The following LIMA1 variants were observed in gnomAD, a reference collection of about 807,000 sequenced individuals.
LIMA1 encodes the protein LIM domain and actin-binding protein 1.
Under a neutral mutation model 62.6 loss-of-function variants are expected in LIMA1, and 52 were observed. The ratio of observed to expected loss-of-function variants is 0.83; its 90% CI spans 0.67 to 1.05. The LOEUF is 1.05. Among genes scored for constraint, LIMA1 ranks in the 50% least tolerant of loss-of-function variants. The pLI, the probability that LIMA1 is intolerant of heterozygous loss-of-function variation, is 0.00. For missense variants in LIMA1, 780 were observed against 902.2 expected, an observed-to-expected ratio of 0.86 and a Z score of 1.74; for synonymous variants, 302 against 317.8, an observed-to-expected ratio of 0.95 and a Z score of 0.53.
intron 1 of LIMA1, among the ~76,000 whole-genome samples, chr12:50,254,921 G>A (rs765995348): frequency 5.3e-5 from 8 of 151,868 alleles, no homozygotes; most frequent in Non-Finnish European, 8.8e-5. Context: ...TTAGCCAGGC[G>A]TGGTGGTGCA....
At chr12:50,233,869 A>T (rs1449789467) in intron 2 of LIMA1, among the ~76,000 whole-genome samples, 3 of 152,178 alleles carry the variant, frequency 2.0e-5, no homozygotes, top group African/African-American at 4.8e-5. Flanking sequence ...CTTTTAAAAG[A>T]TCATACTATG....
chr12:50,245,562 A>G (rs1312124572), intron 2 of LIMA1, among the ~76,000 whole-genome samples: 1 of 151,676 alleles, frequency 6.6e-6, no homozygotes, highest in African/African-American at 2.4e-5. Context: ...CATGTGTTAG[A>G]ATCTTGTTGG....
chr12:50,223,875 T>G (rs1380311510), intron 3 of LIMA1, among the ~76,000 whole-genome samples: 1 of 151,736 alleles, frequency 6.6e-6, no homozygotes, highest in African/African-American at 2.4e-5. Context: ...ACGTCTCTAC[T>G]AAAAATACAA....
At chr12:50,258,617 T>C (rs566624274) in intron 1 of LIMA1, among the ~76,000 whole-genome samples, 36 of 150,016 alleles carry the variant, frequency 2.4e-4, no homozygotes, top group African/African-American at 8.4e-4. Flanking sequence ...CATTTCTTTA[T>C]TTAGCTCTAT....
intron 7 of LIMA1, 143 bp from the exon 8 acceptor site, chr12:50,196,030 A>G: frequency 1.3e-6 from 1 of 743,716 alleles, no homozygotes; most frequent in South Asian, 2.1e-5. Flanking sequence ...GGGCACCAGA[A>G]CAGCTGAGCA....
chr12:50,260,965 C>T (rs1481427228), intron 1 of LIMA1, among the ~76,000 whole-genome samples: 1 of 134,840 alleles, frequency 7.4e-6, no homozygotes, highest in Non-Finnish European at 1.6e-5. Context: ...CATTTATTTA[C>T]TTATTTACTT....
intron 6 of LIMA1, 92 bp from the exon 7 acceptor site, chr12:50,200,976 A>G: frequency 6.6e-7 from 1 of 1,523,446 alleles, no homozygotes; most frequent in South Asian, 1.3e-5. Context: ...TGGAATGTTA[A>G]AAAATTCTTC....
At chr12:50,180,421 G>A (rs978461492) in intron 10 of LIMA1, among the ~76,000 whole-genome samples, 5 of 152,150 alleles carry the variant, frequency 3.3e-5, no homozygotes, top group Non-Finnish European at 7.4e-5. Flanking sequence ...GTTGCAGTGA[G>A]CCAGGATCAC....
chr12:50,194,698 T>C (rs988960088), intron 8 of LIMA1, among the ~76,000 whole-genome samples: 16 of 152,244 alleles, frequency 1.1e-4, no homozygotes, highest in African/African-American at 3.8e-4. Flanking sequence ...GACCAGGAGT[T>C]GGAGACCAAC....
intron 9 of LIMA1, among the ~76,000 whole-genome samples, chr12:50,192,224 A>G (rs960252043): frequency 1.3e-5 from 2 of 152,138 alleles, no homozygotes; most frequent in Non-Finnish European, 2.9e-5. Flanking sequence ...AGTTTTCCAG[A>G]GTTCAAACTG....
At position 50,231,693 on chromosome 12, in the gene LIMA1, T is replaced by C; in HGVS notation, c.137A>G (p.Glu46Gly). ...TCTCTTCTTCTCCATGTTTGTTTCT[T>C]CAGCTGCTTTCTGGTACCTTCAGAG... ...EIFSKYQKAAEETNMEKKRSN... is the reference protein window; with the variant it reads ...EIFSKYQKAAGETNMEKKRSN... Residue 46 changes from glutamate to glycine, a missense_variant, in exon 3 of 11, where the codon GAA becomes GGA. Physicochemically the swap from Glu to Gly is moderately conservative, Grantham distance 98. Transcript: ENST00000341247. 1 of 1,613,946 alleles carries C rather than the reference T, an allele frequency of 6.2e-7. No individual in the cohort carries two copies. Among genetic ancestry groups the C allele is most frequent in the African/African-American group, 1.3e-5 (1 of 75,076 alleles).
intron 10 of LIMA1, among the ~76,000 whole-genome samples, chr12:50,179,831 C>T (rs1940454462): frequency 6.6e-6 from 1 of 151,798 alleles, no homozygotes; most frequent in South Asian, 2.1e-4. Context: ...GCCTTGACCT[C>T]CAGGGCTCAA....
chr12:50,203,568 C>G (rs576483510), intron 6 of LIMA1, among the ~76,000 whole-genome samples: 11 of 152,160 alleles, frequency 7.2e-5, no homozygotes, highest in Non-Finnish European at 1.5e-4. Context: ...TGCCTGCCAC[C>G]ATGCTGGCTA....
intron 3 of LIMA1, 56 bp downstream of exon 3, chr12:50,231,609 G>T: frequency 1.3e-6 from 2 of 1,527,978 alleles, no homozygotes; most frequent in Non-Finnish European, 1.8e-6. Context: ...CAGGTGGCTT[G>T]GCCACACAAT....
chr12:50,278,143 G>A (rs1337972160), intron 1 of LIMA1, among the ~76,000 whole-genome samples: 1 of 152,090 alleles, frequency 6.6e-6, no homozygotes, highest in African/African-American at 2.4e-5. Context: ...CAGACGGGCT[G>A]GGCGAGGTGG....
chr12:50,262,118 T>C (rs780207229), intron 1 of LIMA1, among the ~76,000 whole-genome samples: 5 of 152,204 alleles, frequency 3.3e-5, no homozygotes, highest in Non-Finnish European at 5.9e-5. Context: ...AGAATAAAAC[T>C]GAAACCCATC....
intron 3 of LIMA1, among the ~76,000 whole-genome samples, chr12:50,227,093 T>C (rs1452873207): frequency 6.6e-6 from 1 of 152,004 alleles, no homozygotes; most frequent in African/African-American, 2.4e-5. Flanking sequence ...GATAGATGTA[T>C]ACTGTGTATC....
intron 1 of LIMA1, among the ~76,000 whole-genome samples, chr12:50,263,877 A>G (rs1942106715): frequency 7.9e-6 from 1 of 126,400 alleles, no homozygotes; most frequent in Non-Finnish European, 1.6e-5. Flanking sequence ...ATATATATAT[A>G]AAGTATATAT....
chr12:50,249,274 G>A (rs1396997624), intron 1 of LIMA1, among the ~76,000 whole-genome samples: 1 of 152,160 alleles, frequency 6.6e-6, no homozygotes, highest in Non-Finnish European at 1.5e-5. Context: ...GGGCTTTAAG[G>A]TGAGACAGAC....
Sources: gnomAD v4.1 joint callset for allele counts (sites outside exome capture counted in the v4.1 genomes callset) on GRCh38, gnomAD v4.1.1 for gene constraint, MANE v1.5 for transcripts, NCBI Gene and HGNC (gene_info 2026-07-23, HGNC 2026-07-21) for gene names.